Variants in CLTC observed in about 807,000 individuals in gnomAD.
CLTC encodes clathrin heavy chain 1.
A neutral mutation model predicts 195.8 loss-of-function variants in CLTC; 16 were observed. That is an observed-to-expected ratio of 0.08 (90% CI 0.06 to 0.12). CLTC has a LOEUF of 0.12. Among genes scored for constraint, CLTC ranks in the 10% least tolerant of loss-of-function variants. CLTC has a pLI of 1.00. For synonymous variants in CLTC, 667 were observed against 689.4 expected, an observed-to-expected ratio of 0.97 and a Z score of 0.51; for missense variants, 796 against 2,027.0, an observed-to-expected ratio of 0.39 and a Z score of 11.66.
At chr17:59,631,466 A>C (rs1320897427) in intron 1 of CLTC, among the ~76,000 whole-genome samples, 1 of 152,250 alleles carries the variant, frequency 6.6e-6, no homozygotes, top group African/African-American at 2.4e-5. Context: ...TTTTTTCTGC[A>C]AAGAAAACTT....
At chr17:59,686,856 C>T (rs747347969) in intron 30 of CLTC, 4 of 284,228 alleles carry the variant, frequency 1.4e-5, no homozygotes, top group Non-Finnish European at 2.1e-5. Flanking sequence ...ATTTTGCTTC[C>T]AGTATGCCCT....
intron 30 of CLTC, chr17:59,689,990 A>G (rs2033262606): frequency 6.6e-6 from 1 of 152,248 alleles, no homozygotes; most frequent in South Asian, 2.1e-4. Flanking sequence ...TATAGTAGCC[A>G]TTTACTTTTG....
At chr17:59,655,181 G>C (rs900077177) in intron 5 of CLTC, among the ~76,000 whole-genome samples, 3 of 152,144 alleles carry the variant, frequency 2.0e-5, no homozygotes, top group African/African-American at 7.2e-5. Flanking sequence ...GATTTAAAAA[G>C]AGAGGTAGAA....
Position 59,655,835 on chromosome 17 carries a change from G to A in CLTC, c.796-19G>A, listed in dbSNP as rs772035490. Reference sequence around the variant, plus strand: ...TGTAGATTCATTATTTTACTAAAGTGTTGATTTTCTTTCTGTAGATCAGTG... The same window carrying A: ...TGTAGATTCATTATTTTACTAAAGTATTGATTTTCTTTCTGTAGATCAGTG... On this transcript the variant is annotated intron_variant, in intron 5 of 31. Coordinates refer to ENST00000269122, the MANE Select transcript of CLTC (RefSeq NM_004859.4). 37 of 1,512,966 alleles carry A rather than the reference G, an allele frequency of 2.4e-5. No homozygotes were observed. The highest frequency in any genetic ancestry group is 2.8e-5 in the Non-Finnish European group (32 of 1,134,870). The allele number at this position is 1,512,966 out of a possible 1,614,324, so 93.7% of individuals were successfully genotyped here.
At chr17:59,625,986 A>G (rs182109788) in intron 1 of CLTC, among the ~76,000 whole-genome samples, 1 of 152,340 alleles carries the variant, frequency 6.6e-6, no homozygotes, top group Non-Finnish European at 1.5e-5. Context: ...TATTGGCTAA[A>G]TAATTTTTGT....
chr17:59,669,021 AT>A, intron 14 of CLTC, 81 bp downstream of exon 14: 1 of 1,287,796 alleles, frequency 7.8e-7, no homozygotes, highest in African/African-American at 1.5e-5. Context: ...GTTCAAAAAT[AT>A]TTTTTCCCTA....
Position 59,681,037 on chromosome 17 carries a change from C to T in CLTC, c.3045C>T (p.Asn1015=). Residue 1015 remains asparagine (N), a synonymous_variant, in exon 19 of 32, where the codon AAC becomes AAT. Transcript: ENST00000269122. The surrounding 1 kb of genome is among the most constrained non-coding windows in gnomAD (Gnocchi z 5.0). ...IELLEKIVLD[N]SVFSEHRNLQ... ...TGCTGGAGAAAATTGTCCTTGATAA[C>T]TCTGTATTCAGTGAACACAGGTATG... 3.1e-6 allele frequency: 5 copies of T among 1,613,990 alleles called. No individual in the cohort carries two copies. The highest frequency in any genetic ancestry group is 4.2e-6 in the Non-Finnish European group (5 of 1,179,906).
intron 1 of CLTC, among the ~76,000 whole-genome samples, chr17:59,635,473 G>A (rs1324471367): frequency 6.6e-6 from 1 of 152,120 alleles, no homozygotes; most frequent in Non-Finnish European, 1.5e-5. Context: ...GAAATTAGTA[G>A]GCTCAAAGCA....
chr17:59,689,033 G>A (rs1023668634), intron 30 of CLTC: 1 of 152,050 alleles, frequency 6.6e-6, no homozygotes, highest in East Asian at 1.9e-4. Flanking sequence ...GCCAAAAAAT[G>A]GACATTTCAT....
chr17:59,625,879 T>C (rs939371189), intron 1 of CLTC, among the ~76,000 whole-genome samples: 7 of 152,210 alleles, frequency 4.6e-5, no homozygotes, highest in African/African-American at 7.2e-5. Flanking sequence ...TGCTTTTTTT[T>C]CTCTGGGAAA....
intron 6 of CLTC, chr17:59,658,889 G>T (rs1470707393): frequency 6.6e-6 from 1 of 152,166 alleles, no homozygotes; most frequent in African/African-American, 2.4e-5. Flanking sequence ...AAGCCTTGAG[G>T]ATGGAGGTCG....
At chr17:59,668,723 C>T in intron 13 of CLTC, 54 bp from the exon 14 acceptor site, 1 of 1,431,298 alleles carries the variant, frequency 7.0e-7, no homozygotes, top group Non-Finnish European at 9.5e-7. Flanking sequence ...AAATGTTTTT[C>T]AGTCATTCTC....
At chr17:59,663,071 A>G (rs1004142358) in intron 8 of CLTC, among the ~76,000 whole-genome samples, 1 of 152,238 alleles carries the variant, frequency 6.6e-6, no homozygotes, top group African/African-American at 2.4e-5. Context: ...ACATTAATCA[A>G]CTATTCATTA....
intron 28 of CLTC, chr17:59,684,578 G>A (rs1361639846): frequency 2.6e-5 from 4 of 153,486 alleles, no homozygotes; most frequent in East Asian, 1.9e-4. Context: ...GGCCAAGGCA[G>A]GCGGATCACG....
intron 7 of CLTC, among the ~76,000 whole-genome samples, 176 bp downstream of exon 7, chr17:59,660,764 C>T (rs1454355650): frequency 1.3e-5 from 2 of 152,198 alleles, no homozygotes; most frequent in Non-Finnish European, 2.9e-5. Context: ...GGTTAATTTT[C>T]TCTGGATTTG....
In CLTC at chr17:59,682,331, A is replaced by G. The variant is rs535063340; in HGVS notation, c.3503A>G (p.Tyr1168Cys). Reference protein sequence around the residue: ...QMARKKARESYVETELIFALA... With the variant: ...QMARKKARESCVETELIFALA... ...GCCCGTAAGAAGGCTCGAGAGTCCT[A>G]TGTGGAGACAGAACTGATATTCGCA... The change falls in exon 22 of 32, where the codon TAT becomes TGT. Residue 1168 changes from tyrosine to cysteine, a missense_variant. Physicochemically the swap from Tyr to Cys is radical, Grantham distance 194 (BLOSUM62 -2). Coordinates refer to ENST00000269122, the MANE Select transcript of CLTC (RefSeq NM_004859.4). This position sits in a 1 kb window ranked among gnomAD's most constrained non-coding sequence, Gnocchi z 6.8. The G allele has an allele frequency of 3.1e-6, 5 of 1,614,162 alleles. No homozygotes were observed. The highest frequency in any genetic ancestry group is 2.2e-5 in the East Asian group (1 of 44,882).
At position 59,673,636 on chromosome 17, in the gene CLTC, C is replaced by A; in HGVS notation, c.2293-11C>A. The A allele has an allele frequency of 6.2e-7, 1 of 1,600,810 alleles. No individual in the cohort carries two copies. Among genetic ancestry groups the A allele is most frequent in the South Asian group, 1.1e-5 (1 of 89,540 alleles). ...AAATTTAAAGTTTCCTTTTGTTTGT[C>A]TTTTTTTCAGGAAGCAAAACTAACA... On this transcript the variant is annotated splice_polypyrimidine_tract_variant and intron_variant, in intron 14 of 31. Coordinates refer to ENST00000269122, the MANE Select transcript of CLTC (RefSeq NM_004859.4).
At chr17:59,654,459 T>C (rs1417645508) in intron 5 of CLTC, among the ~76,000 whole-genome samples, 1 of 151,658 alleles carries the variant, frequency 6.6e-6, no homozygotes, top group Admixed American at 6.6e-5. Context: ...ATTACAGGCA[T>C]GAGCCACTGC....
chr17:59,643,613 G>C (rs1036465478), intron 1 of CLTC, among the ~76,000 whole-genome samples: 1 of 152,088 alleles, frequency 6.6e-6, no homozygotes, highest in African/African-American at 2.4e-5. Context: ...ATCCTATAGT[G>C]TTACAAAAGT....
Sources: allele counts gnomAD v4.1 joint callset (sites outside exome capture counted in the v4.1 genomes callset), GRCh38; gene constraint gnomAD v4.1.1; non-coding constraint Gnocchi (gnomAD v3.1); transcripts MANE v1.5; gene names NCBI Gene and HGNC (gene_info 2026-07-23, HGNC 2026-07-21).